The following FZD4 variants were observed in gnomAD, a reference collection of about 807,000 sequenced individuals.
FZD4 encodes frizzled-4.
A neutral mutation model predicts 37.3 loss-of-function variants in FZD4; 16 were observed. That is an observed-to-expected ratio of 0.43 (90% confidence interval 0.29 to 0.65). The LOEUF (loss-of-function observed/expected upper bound fraction) is 0.65. Among genes scored for constraint, FZD4 ranks in the 30% least tolerant of loss-of-function variants. The pLI is 0.16. For synonymous variants in FZD4, 246 were observed against 254.8 expected, an observed-to-expected ratio of 0.97 and a Z score of 0.33; for missense variants, 599 against 674.3, an observed-to-expected ratio of 0.89 and a Z score of 1.24.
At position 86,950,153 on chromosome 11, in the gene FZD4, G is replaced by A. The variant is rs1470121295; in HGVS notation, c.*989C>T. Reference sequence around the variant, plus strand: ...CACAGCTAATCTGTGTGAATGCAAAGTTGCCAAGAAACTTAACATTTCAGC... The same window carrying A: ...CACAGCTAATCTGTGTGAATGCAAAATTGCCAAGAAACTTAACATTTCAGC... On this transcript the variant is annotated 3_prime_UTR_variant, in exon 2 of 2. Transcript: ENST00000531380. 2 of 152,636 alleles carry A rather than the reference G, an allele frequency of 1.3e-5. No homozygotes were observed. The highest frequency in any genetic ancestry group is 2.9e-5 in the Non-Finnish European group (2 of 68,044). 9.5% of individuals were successfully genotyped at this position (152,636 alleles called of 1,614,324 possible). A position where few individuals can be genotyped will look rare whatever the true frequency, so the allele number is the denominator to read the frequency against.
At chr11:86,953,147 G>A (rs1565397953) in intron 1 of FZD4, among the ~76,000 whole-genome samples, 1 of 152,158 alleles carries the variant, frequency 6.6e-6, no homozygotes, top group Non-Finnish European at 1.5e-5. Flanking sequence ...TACCAGCAGG[G>A]GAGAGTCCAG....
chr11:86,951,302 A>G lies in FZD4; in HGVS notation c.1454T>C (p.Leu485Ser), dbSNP rs1590943112. The G allele has an allele frequency of 6.2e-7, 1 of 1,614,216 alleles. No individual in the cohort carries two copies. The highest frequency in any genetic ancestry group is 8.5e-7 in the Non-Finnish European group (1 of 1,180,032). ...CATGCCTGAAGTGATGCCCACCAACAAAGACATAAAAATTTTCAACATTTC... is the reference window on the plus strand; with the variant it reads ...CATGCCTGAAGTGATGCCCACCAACGAAGACATAAAAATTTTCAACATTTC... Reference protein sequence around the residue: ...AVEMLKIFMSLLVGITSGMWI... With the variant: ...AVEMLKIFMSSLVGITSGMWI... The change falls in exon 2 of 2, where the codon TTG becomes TCG. Residue 485 changes from leucine to serine, a missense_variant. Transcript: ENST00000531380.
rs577048598 is a variant in FZD4 at position 86,951,336 on chromosome 11, T to C, written c.1420A>G (p.Met474Val). 4.3e-6 allele frequency: 7 copies of C among 1,613,894 alleles called. No individual in the cohort carries two copies. Among genetic ancestry groups the C allele is most frequent in the African/African-American group, 4.0e-5 (3 of 75,034 alleles). The change falls in exon 2 of 2, where the codon ATG becomes GTG. Residue 474 changes from methionine to valine, a missense_variant. This residue lies in a region of FZD4 where 203 missense variants were observed against 196.8 expected (regional missense o/e 1.03). Coordinates refer to ENST00000531380, the MANE Select transcript of FZD4 (RefSeq NM_012193.4). ...AAAATTTTCAACATTTCAACAGCCATGTTGGAATCATCTGCAGAATACCGA... is the reference window on the plus strand; with the variant it reads ...AAAATTTTCAACATTTCAACAGCCACGTTGGAATCATCTGCAGAATACCGA... ...LFRYSADDSNMAVEMLKIFMS... is the reference protein window; with the variant it reads ...LFRYSADDSNVAVEMLKIFMS...
At chr11:86,952,494 C>T (rs1409759061) in intron 1 of FZD4, 24 bp from the exon 2 acceptor site, 1 of 1,607,016 alleles carries the variant, frequency 6.2e-7, no homozygotes, top group East Asian at 2.2e-5. Flanking sequence ...AAAATGAACA[C>T]ACACAAAAAA....
chr11:86,949,982 T>C lies in FZD4; in HGVS notation c.*1160A>G, dbSNP rs182907379. The C allele has an allele frequency of 9.2e-5, 14 of 152,470 alleles. No individual in the cohort carries two copies. Among genetic ancestry groups the C allele is most frequent in the Admixed American group, 8.5e-4 (13 of 15,306 alleles). 9.4% of individuals were successfully genotyped at this position (152,470 alleles called of 1,614,324 possible). On this transcript the variant is annotated 3_prime_UTR_variant, in exon 2 of 2. Transcript: ENST00000531380. Reference sequence around the variant, plus strand: ...AGTAGACCAGATTCTGATAACATTCTTATGCTTTAAAAAATAAAAAAATTT... The same window carrying C: ...AGTAGACCAGATTCTGATAACATTCCTATGCTTTAAAAAATAAAAAAATTT...
chr11:86,949,625 T>C lies in FZD4; in HGVS notation c.*1517A>G, dbSNP rs939565305. The C allele has an allele frequency of 2.6e-5, 4 of 152,672 alleles. No individual in the cohort carries two copies. The allele number at this position is 152,672 out of a possible 1,614,324, so 9.5% of individuals were successfully genotyped here. A position where few individuals can be genotyped will look rare whatever the true frequency, so the allele number is the denominator to read the frequency against. On this transcript the variant is annotated 3_prime_UTR_variant, in exon 2 of 2. Transcript: ENST00000531380. ...TACAGTTTTAAGAGAAGTGCAATTT[T>C]CGAGAGGCTGCTGGGGGTACCCCCT...
Position 86,949,320 on chromosome 11 carries a change from A to T in FZD4, c.*1822T>A, listed in dbSNP as rs1407304499. ...GGCATAAGGCTCAAACCAAATTTTT[A>T]AAAAAGAGGAAATGCTTACTTCCAG... On this transcript the variant is annotated 3_prime_UTR_variant, in exon 2 of 2. Transcript: ENST00000531380. The T allele has an allele frequency of 6.6e-6, 1 of 152,192 alleles. No individual in the cohort carries two copies. Among genetic ancestry groups the T allele is most frequent in the Non-Finnish European group, 1.5e-5 (1 of 68,036 alleles). 9.4% of individuals were successfully genotyped at this position (152,192 alleles called of 1,614,324 possible).
chr11:86,948,213 A>G lies in FZD4; in HGVS notation c.*2929T>C, dbSNP rs1241534546. On this transcript the variant is annotated 3_prime_UTR_variant, in exon 2 of 2. Transcript: ENST00000531380. Reference sequence around the variant, plus strand: ...GCTGGGTGTGGTGGCTCACACAGGAAGAGATTTATGGAATGGAGACAGTGA... The same window carrying G: ...GCTGGGTGTGGTGGCTCACACAGGAGGAGATTTATGGAATGGAGACAGTGA... 1 of 152,166 alleles carries G rather than the reference A, an allele frequency of 6.6e-6. No homozygotes were observed. Among genetic ancestry groups the G allele is most frequent in the Non-Finnish European group, 1.5e-5 (1 of 68,046 alleles). The allele number at this position is 152,166 out of a possible 1,614,324, so 9.4% of individuals were successfully genotyped here.
Position 86,952,291 on chromosome 11 carries a change from G to C in FZD4, c.465C>G (p.Asn155Lys). The C allele has an allele frequency of 6.2e-7, 1 of 1,614,198 alleles. No homozygotes were observed. The highest frequency in any genetic ancestry group is 8.5e-7 in the Non-Finnish European group (1 of 1,180,028). ...CACCTGGCCCTTCCATGCACATGTG[G>C]TTGTGGTCGTTCTGTGGTGGGAATT... is the stretch of plus-strand genomic sequence containing the variant. ...CSKFPPQNDH[N>K]HMCMEGPGDE... Residue 155 changes from asparagine (N) to lysine (K), a missense_variant, in exon 2 of 2, where the codon AAC (asparagine) becomes AAG (lysine). This residue lies in a region of FZD4 where 357 missense variants were observed against 396.1 expected (regional missense o/e 0.90). Coordinates refer to ENST00000531380, the MANE Select transcript of FZD4 (RefSeq NM_012193.4).
chr11:86,954,763 C>G (rs1475265182), intron 1 of FZD4, 38 bp downstream of exon 1: 1 of 1,565,908 alleles, frequency 6.4e-7, no homozygotes, highest in Admixed American at 1.9e-5. Context: ...CGTCCCTCCC[C>G]AAGGGGTCCC....
At position 86,952,571 on chromosome 11, in the gene FZD4, G is replaced by C; in HGVS notation, c.286-101C>G. On this transcript the variant is annotated intron_variant, in intron 1 of 1. Coordinates refer to ENST00000531380, the MANE Select transcript of FZD4 (RefSeq NM_012193.4). ...GAGTTGAATGCTTCCAGGCAATCTA[G>C]GTATCTACTTTTAAACCAACCTATC... 1.5e-6 allele frequency: 2 copies of C among 1,341,562 alleles called. 1 individual carries two copies. Among genetic ancestry groups the C allele is most frequent in the South Asian group, 2.4e-5 (2 of 84,344 alleles). 83.1% of individuals were successfully genotyped at this position (1,341,562 alleles called of 1,614,324 possible). A position where few individuals can be genotyped will look rare whatever the true frequency, so the allele number is the denominator to read the frequency against.
intron 1 of FZD4, chr11:86,954,539 A>G (rs1487286272): frequency 1.0e-6 from 1 of 985,136 alleles, no homozygotes; most frequent in Admixed American, 6.2e-5. Flanking sequence ...CACTGGGGTT[A>G]GGGGTCTGGG....
intron 1 of FZD4, 35 bp from the exon 2 acceptor site, chr11:86,952,505 A>C (rs752864698): frequency 1.2e-6 from 2 of 1,604,422 alleles, no homozygotes. Context: ...ACACAAAAAA[A>C]ACAATGACTT....
rs1327721568 is a variant in FZD4 at position 86,951,071 on chromosome 11, TTAG to T, written c.*68_*70del. ...AACTGAGATTCACTGCATAAAACTT[TTAG>T]TAGAATTTCCTCCAAAATGCTGGCA... is the stretch of plus-strand genomic sequence containing the variant. On this transcript the variant is annotated 3_prime_UTR_variant, in exon 2 of 2. Coordinates refer to ENST00000531380, the MANE Select transcript of FZD4 (RefSeq NM_012193.4). 9 of 1,527,534 alleles carry T rather than the reference TTAG, an allele frequency of 5.9e-6. No individual in the cohort carries two copies. The highest frequency in any genetic ancestry group is 4.1e-5 in the African/African-American group (3 of 73,238). 94.6% of individuals were successfully genotyped at this position (1,527,534 alleles called of 1,614,324 possible). A position where few individuals can be genotyped will look rare whatever the true frequency, so the allele number is the denominator to read the frequency against.
In FZD4 at chr11:86,951,728, T is replaced by C; in HGVS notation, c.1028A>G (p.His343Arg). 6.2e-7 allele frequency: 1 copy of C among 1,614,164 alleles called. No homozygotes were observed. Among genetic ancestry groups the C allele is most frequent in the Non-Finnish European group, 8.5e-7 (1 of 1,180,036 alleles). Residue 343 changes from histidine (H) to arginine (R), a missense_variant, in exon 2 of 2, where the codon CAC becomes CGC. Coordinates refer to ENST00000531380, the MANE Select transcript of FZD4 (RefSeq NM_012193.4). ...GGCTGCAATGTGGAAATAAGAGCTG[T>C]GCATTTCAATGGCTTCATGACCCCA... is the stretch of plus-strand genomic sequence containing the variant. ...LKWGHEAIEM[H>R]SSYFHIAAWA...
Position 86,952,148 on chromosome 11 carries a change from T to C in FZD4, c.608A>G (p.Lys203Arg), listed in dbSNP as rs1949299453. 1.2e-6 allele frequency: 2 copies of C among 1,612,712 alleles called. No homozygotes were observed. The highest frequency in any genetic ancestry group is 2.2e-5 in the East Asian group (1 of 44,850). Residue 203 changes from lysine to arginine, a missense_variant, in exon 2 of 2, where the codon AAG becomes AGG. Physicochemically the swap from Lys to Arg is conservative, Grantham distance 26. Coordinates refer to ENST00000531380, the MANE Select transcript of FZD4 (RefSeq NM_012193.4). ...WVKRSLNCVL[K>R]CGYDAGLYSR... is the part of the protein sequence containing the mutation. ...GTATAAGCCAGCATCATAGCCACAC[T>C]TGAGCACACAGTTCAGGCTCCTTTT...
chr11:86,952,089 T>C lies in FZD4; in HGVS notation c.667A>G (p.Met223Val), dbSNP rs1347007103. 2 of 1,614,066 alleles carry C rather than the reference T, an allele frequency of 1.2e-6. No homozygotes were observed. The highest frequency in any genetic ancestry group is 1.7e-6 in the Non-Finnish European group (2 of 1,179,966). ...AAACACAGGCTGGCCCACACAGCCATCCAGATATCAGTGAACTCCTTGGCT... is the reference window on the plus strand; with the variant it reads ...AAACACAGGCTGGCCCACACAGCCACCCAGATATCAGTGAACTCCTTGGCT... ...RSAKEFTDIW[M>V]AVWASLCFIS... is the part of the protein sequence containing the mutation. Residue 223 changes from methionine to valine, a missense_variant, in exon 2 of 2, where the codon ATG becomes GTG. Around this residue, in one of 3 missense-constraint regions of FZD4, gnomAD observed 357 missense variants for 396.1 expected, o/e 0.90. Coordinates refer to ENST00000531380, the MANE Select transcript of FZD4 (RefSeq NM_012193.4).
Position 86,949,079 on chromosome 11 carries a change from A to T in FZD4, c.*2063T>A, listed in dbSNP as rs1334317424. On this transcript the variant is annotated 3_prime_UTR_variant, in exon 2 of 2. Coordinates refer to ENST00000531380, the MANE Select transcript of FZD4 (RefSeq NM_012193.4). ...AGTTAAAATGGTTCTTCTGGGGATC[A>T]ATTCTCATGCTCCTGGAGCCTGACC... 1.3e-5 allele frequency: 2 copies of T among 152,250 alleles called. No homozygotes were observed. Among genetic ancestry groups the T allele is most frequent in the Non-Finnish European group, 2.9e-5 (2 of 68,064 alleles). The allele number at this position is 152,250 out of a possible 1,614,324, so 9.4% of individuals were successfully genotyped here.
In FZD4 at chr11:86,951,576, G is replaced by A; in HGVS notation, c.1180C>T (p.Pro394Ser). 1 of 1,614,072 alleles carries A rather than the reference G, an allele frequency of 6.2e-7. No homozygotes were observed. The highest frequency in any genetic ancestry group is 8.5e-7 in the Non-Finnish European group (1 of 1,179,952). ...CCAATGACCAAATAAGTAAAGAGGG[G>A]AGCCACCACGAACCCGGTGAGGGCA... ...LDALTGFVVA[P>S]LFTYLVIGTL... The change falls in exon 2 of 2, where the codon CCC becomes TCC. Residue 394 changes from proline to serine, a missense_variant. Around this residue, in one of 3 missense-constraint regions of FZD4, gnomAD observed 203 missense variants for 196.8 expected, o/e 1.03. Coordinates refer to ENST00000531380, the MANE Select transcript of FZD4 (RefSeq NM_012193.4).
Sources: gnomAD v4.1 joint callset for allele counts (sites outside exome capture counted in the v4.1 genomes callset) on GRCh38, gnomAD v4.1.1 for gene constraint, gnomAD v4.1.1 regional missense constraint, MANE v1.5 for transcripts, NCBI Gene and HGNC (gene_info 2026-07-23, HGNC 2026-07-21) for gene names.